The following HNF4A variants were observed in gnomAD, a reference collection of about 807,000 sequenced individuals.
HNF4A encodes the protein hepatocyte nuclear factor 4-alpha.
In HNF4A, 15 loss-of-function variants were observed where a neutral mutation model predicts 52.4. The observed-to-expected ratio is 0.29, with a 90% confidence interval of 0.19 to 0.44. The LOEUF is 0.44. Ranked by LOEUF, HNF4A falls within the 20% of genes least tolerant of loss-of-function variation. The pLI, the probability that HNF4A is intolerant of heterozygous loss-of-function variation, is 1.00. For missense variants in HNF4A, 479 were observed against 647.2 expected, an observed-to-expected ratio of 0.74 and a Z score of 2.82; for synonymous variants, 280 against 264.4, an observed-to-expected ratio of 1.06 and a Z score of -0.57.
At chr20:44,392,017 T>C (rs545693667) in intron 1 of HNF4A, 79 of 152,284 alleles carry the variant, frequency 5.2e-4, no homozygotes, top group African/African-American at 1.8e-3. Flanking sequence ...ACCTCAATAA[T>C]ATGACCGGTG....
At position 44,401,302 on chromosome 20, in the gene HNF4A, G is replaced by C. The variant is rs1337179630; in HGVS notation, c.-71G>C. The C allele has an allele frequency of 3.1e-6, 5 of 1,605,624 alleles. No homozygotes were observed. Among genetic ancestry groups the C allele is most frequent in the Non-Finnish European group, 4.2e-6 (5 of 1,177,984 alleles). ...GGGCACTGGGAGGAGGCAGTGGGAG[G>C]GCGGAGGGCGGGGGCCTTCGGGGTG... On this transcript the variant is annotated 5_prime_UTR_variant, in exon 1 of 10. Coordinates refer to ENST00000316099, the MANE Select transcript of HNF4A (RefSeq NM_000457.6).
At chr20:44,395,661 C>A (rs2063346775) in intron 1 of HNF4A, 1 of 152,278 alleles carries the variant, frequency 6.6e-6, no homozygotes, top group Non-Finnish European at 1.5e-5. Context: ...GCTGCCTGGA[C>A]TGGAGTTTGG....
chr20:44,413,617 T>G, intron 3 of HNF4A, 77 bp from the exon 4 acceptor site: 1 of 950,298 alleles, frequency 1.1e-6, no homozygotes, highest in Non-Finnish European at 1.7e-6. Flanking sequence ...CTGCTCCCAC[T>G]CCTCATCAGT....
At chr20:44,415,011 C>A (rs2063643145) in intron 5 of HNF4A, among the ~76,000 whole-genome samples, 1 of 152,220 alleles carries the variant, frequency 6.6e-6, no homozygotes, top group South Asian at 2.1e-4. Flanking sequence ...AAGCTCCTGA[C>A]CATTGTACCT....
chr20:44,414,496 A>G lies in HNF4A; in HGVS notation c.493-11A>G, dbSNP rs755293809. The G allele has an allele frequency of 2.5e-6, 4 of 1,614,200 alleles. No homozygotes were observed. The highest frequency in any genetic ancestry group is 1.3e-5 in the African/African-American group (1 of 75,050). ...ACATCTCCAGCATTTTCTTCCCTGTATCTCTCGAAGATCACCTCCCCCGTC... is the reference window on the plus strand; with the variant it reads ...ACATCTCCAGCATTTTCTTCCCTGTGTCTCTCGAAGATCACCTCCCCCGTC... On this transcript the variant is annotated splice_polypyrimidine_tract_variant and intron_variant, in intron 4 of 9. Coordinates refer to ENST00000316099, the MANE Select transcript of HNF4A (RefSeq NM_000457.6).
chr20:44,429,576 T>C lies in HNF4A; in HGVS notation c.1336T>C (p.Tyr446His), dbSNP rs1025249006. ...GCCAGGTGGCTCAGGGTCTGAGCCCTATAAGCTCCTGCCGGGAGCCGTCGC... is the reference window on the plus strand; with the variant it reads ...GCCAGGTGGCTCAGGGTCTGAGCCCCATAAGCTCCTGCCGGGAGCCGTCGC... Residue 446 changes from tyrosine (Y) to histidine (H), a missense_variant, in exon 10 of 10, where the codon TAT becomes CAT. Transcript: ENST00000316099. 1.2e-6 allele frequency: 2 copies of C among 1,613,976 alleles called. No homozygotes were observed. Among genetic ancestry groups the C allele is most frequent in the Admixed American group, 1.7e-5 (1 of 60,018 alleles).
At chr20:44,385,466 ATTAAT>A (rs1159367045) in intron 1 of HNF4A, among the ~76,000 whole-genome samples, 2 of 152,044 alleles carry the variant, frequency 1.3e-5, no homozygotes, top group African/African-American at 4.8e-5. Flanking sequence ...TTTTTAATTA[ATTAAT>A]TTGTTTGTTT....
upstream of HNF4A, among the ~76,000 whole-genome samples, chr20:44,398,394 C>G (rs1890558838): frequency 6.6e-6 from 1 of 152,168 alleles, no homozygotes; most frequent in African/African-American, 2.4e-5. Flanking sequence ...ATTATCATAG[C>G]TTGGTTTAAA....
intron 5 of HNF4A, among the ~76,000 whole-genome samples, chr20:44,417,857 T>C (rs2063686686): frequency 1.3e-5 from 2 of 151,482 alleles, no homozygotes. Flanking sequence ...TAGTCTCAGC[T>C]ACTCTGGAGG....
At chr20:44,396,176 G>A (rs2063351537) in intron 1 of HNF4A, among the ~76,000 whole-genome samples, 1 of 152,122 alleles carries the variant, frequency 6.6e-6, no homozygotes, top group African/African-American at 2.4e-5. Context: ...TCCCTTACGA[G>A]CTGTGTGGCT....
upstream of HNF4A, among the ~76,000 whole-genome samples, chr20:44,396,339 C>A (rs545077533): frequency 6.6e-6 from 1 of 152,264 alleles, no homozygotes; most frequent in Admixed American, 6.5e-5. Context: ...AACATTAGAC[C>A]TTATTATAAT....
At chr20:44,427,598 C>T (rs184557525) in intron 8 of HNF4A, among the ~76,000 whole-genome samples, 1 of 152,294 alleles carries the variant, frequency 6.6e-6, no homozygotes, top group South Asian at 2.1e-4. Flanking sequence ...TACTCCCTGA[C>T]ATATGTTTGA....
At chr20:44,391,189 C>T (rs896751982) in intron 1 of HNF4A, among the ~76,000 whole-genome samples, 5 of 152,190 alleles carry the variant, frequency 3.3e-5, no homozygotes, top group Non-Finnish European at 5.9e-5. Context: ...ATGCTTCCCT[C>T]CCTGCCTCTC....
At chr20:44,420,329 CAA>C (rs2063727294) in intron 7 of HNF4A, among the ~76,000 whole-genome samples, 1 of 151,964 alleles carries the variant, frequency 6.6e-6, no homozygotes, top group Non-Finnish European at 1.5e-5. Context: ...CTCAAAAAAA[CAA>C]AAACAAAGGG....
chr20:44,387,721 TA>T (rs367716974), intron 1 of HNF4A, among the ~76,000 whole-genome samples: 169 of 107,780 alleles, frequency 1.6e-3, no homozygotes, highest in South Asian at 1.7e-3. Flanking sequence ...CTGGCAGGTT[TA>T]AAAAAAAAAA....
chr20:44,397,957 A>C (rs2063368383), upstream of HNF4A, among the ~76,000 whole-genome samples: 5 of 152,136 alleles, frequency 3.3e-5, no homozygotes, highest in African/African-American at 1.2e-4. Flanking sequence ...GACACTGTAC[A>C]TTTAAAGTAC....
intron 6 of HNF4A, 41 bp from the exon 7 acceptor site, chr20:44,419,680 C>T: frequency 1.2e-6 from 2 of 1,606,986 alleles, no homozygotes; most frequent in Non-Finnish European, 1.7e-6. Flanking sequence ...GGGGTCAACC[C>T]AAGGTGACTT....
upstream of HNF4A, among the ~76,000 whole-genome samples, chr20:44,397,926 C>T (rs1257024687): frequency 1.3e-5 from 2 of 152,192 alleles, no homozygotes; most frequent in East Asian, 3.8e-4. Flanking sequence ...TGTGCCTGGC[C>T]TGAAACTTTC....
intron 1 of HNF4A, among the ~76,000 whole-genome samples, chr20:44,403,631 A>G (rs1309813735): frequency 2.0e-5 from 3 of 152,210 alleles, no homozygotes; most frequent in Admixed American, 2.0e-4. Flanking sequence ...CCAATGGAGC[A>G]GCAGCCCTGG....
Sources: gnomAD v4.1 joint callset for allele counts (sites outside exome capture counted in the v4.1 genomes callset) on GRCh38, gnomAD v4.1.1 for gene constraint, MANE v1.5 for transcripts, NCBI Gene and HGNC (gene_info 2026-07-23, HGNC 2026-07-21) for gene names.